MTMR12: variants seen among roughly 807,000 people sequenced by gnomAD.
The protein encoded by MTMR12 is myotubularin-related protein 12.
A neutral mutation model predicts 96.7 loss-of-function variants in MTMR12; 33 were observed. The ratio of observed to expected loss-of-function variants is 0.34; its 90% CI spans 0.26 to 0.46. MTMR12 has a LOEUF of 0.46. Among genes scored for constraint, MTMR12 ranks in the 20% least tolerant of loss-of-function variants. The pLI is 1.00. For synonymous variants in MTMR12, 298 were observed against 327.2 expected, an observed-to-expected ratio of 0.91 and a Z score of 0.96; for missense variants, 721 against 896.1, an observed-to-expected ratio of 0.80 and a Z score of 2.49.
At position 32,248,083 on chromosome 5, in the gene MTMR12, T is replaced by C. The variant is rs777222529; in HGVS notation, c.940A>G (p.Thr314Ala). ...IHRPPYEIVK[T>A]EDLSSNFLSL... ...AGGAAGTTGCTTGACAGGTCTTCCG[T>C]TTTAACAATTTCATAGGGTGGCCTG... Residue 314 changes from threonine to alanine, a missense_variant, in exon 10 of 16, where the codon ACG (threonine) becomes GCG (alanine). Transcript: ENST00000382142. 1.9e-6 allele frequency: 3 copies of C among 1,613,904 alleles called. No individual in the cohort carries two copies. The highest frequency in any genetic ancestry group is 2.7e-5 in the African/African-American group (2 of 74,916).
intron 1 of MTMR12, among the ~76,000 whole-genome samples, chr5:32,302,297 G>A (rs1217142576): frequency 6.6e-6 from 1 of 152,218 alleles, no homozygotes; most frequent in Non-Finnish European, 1.5e-5. Flanking sequence ...ATTAGTTTCA[G>A]AGACAATTTG....
At chr5:32,256,951 AAAAAAGATT>A (rs1190416081) in intron 7 of MTMR12, among the ~76,000 whole-genome samples, 9 of 152,232 alleles carry the variant, frequency 5.9e-5, no homozygotes, top group Non-Finnish European at 1.0e-4. Flanking sequence ...ATTACTTTTA[AAAAAAGATT>A]AAAAAGATGA....
chr5:32,242,223 T>C (rs1748504442), intron 11 of MTMR12, 96 bp from the exon 12 acceptor site: 9 of 802,834 alleles, frequency 1.1e-5, no homozygotes, highest in Non-Finnish European at 1.7e-5. Context: ...TGATCTTCAG[T>C]CTTCTCTCTT....
At chr5:32,304,430 T>C (rs1258586826) in intron 1 of MTMR12, among the ~76,000 whole-genome samples, 2 of 152,240 alleles carry the variant, frequency 1.3e-5, no homozygotes, top group East Asian at 1.9e-4. Context: ...GTACCATCAT[T>C]GGCACTTTTA....
chr5:32,268,538 A>G (rs903387518), intron 6 of MTMR12, among the ~76,000 whole-genome samples, 163 bp downstream of exon 6: 3 of 151,928 alleles, frequency 2.0e-5, no homozygotes, highest in Non-Finnish European at 4.4e-5. Context: ...CACAGGAAAG[A>G]AAATGTAGAT....
At chr5:32,254,308 T>C (rs1023401043) in intron 8 of MTMR12, among the ~76,000 whole-genome samples, 5 of 152,208 alleles carry the variant, frequency 3.3e-5, no homozygotes, top group African/African-American at 1.2e-4. Flanking sequence ...GTGGTGACTT[T>C]TGGTACAAAA....
chr5:32,242,171 C>G (rs779792981), intron 11 of MTMR12, 44 bp from the exon 12 acceptor site: 3 of 1,414,718 alleles, frequency 2.1e-6, no homozygotes, highest in South Asian at 2.3e-5. Context: ...AGTTCATGAG[C>G]TTGGTAACAC....
intron 1 of MTMR12, among the ~76,000 whole-genome samples, chr5:32,301,868 C>A (rs1285381568): frequency 2.0e-5 from 3 of 151,778 alleles, no homozygotes; most frequent in African/African-American, 7.3e-5. Flanking sequence ...ACAGAGACTA[C>A]TCCATCTCAA....
intron 10 of MTMR12, among the ~76,000 whole-genome samples, chr5:32,244,879 A>AT (rs1231532530): frequency 6.6e-6 from 1 of 152,244 alleles, no homozygotes. Context: ...GAAAATAAAA[A>AT]ATATAAACTT....
intron 8 of MTMR12, among the ~76,000 whole-genome samples, chr5:32,250,933 A>G (rs1748893189): frequency 6.6e-6 from 1 of 152,154 alleles, no homozygotes; most frequent in African/African-American, 2.4e-5. Flanking sequence ...CTCTCTGGGA[A>G]CTGTGAGGGC....
At chr5:32,292,849 C>A (rs1306702104) in intron 1 of MTMR12, among the ~76,000 whole-genome samples, 1 of 152,216 alleles carries the variant, frequency 6.6e-6, no homozygotes, top group Admixed American at 6.5e-5. Flanking sequence ...ATACCAGCTA[C>A]GACCACGTGA....
intron 1 of MTMR12, among the ~76,000 whole-genome samples, chr5:32,308,498 A>G (rs1751441252): frequency 6.6e-6 from 1 of 152,184 alleles, no homozygotes; most frequent in Non-Finnish European, 1.5e-5. Context: ...TCAGAAGCAC[A>G]TAAGCCATGC....
Position 32,243,904 on chromosome 5 carries a change from T to C in MTMR12, c.1022-305A>G, listed in dbSNP as rs182160555. The stretch of plus-strand genomic sequence containing the variant: ...TGTAGGTCGACAGAGAGTAACATGC[T>C]TTAGGCAGAAATAGTTGACATCCAG... On this transcript the variant is annotated intron_variant, in intron 10 of 15. Transcript: ENST00000382142. 1.7e-3 allele frequency among the ~76,000 whole-genome samples: 261 copies of C among 152,320 alleles called. 2 individuals carry two copies. Among genetic ancestry groups the C allele is most frequent in the Admixed American group, 0.016 (245 of 15,300 alleles).
intron 2 of MTMR12, among the ~76,000 whole-genome samples, chr5:32,276,262 C>A (rs1408817527): frequency 3.3e-5 from 5 of 152,252 alleles, no homozygotes; most frequent in African/African-American, 9.6e-5. Context: ...CACGTGCTCA[C>A]ATGCACAAGT....
intron 6 of MTMR12, among the ~76,000 whole-genome samples, chr5:32,265,082 A>G (rs892952283): frequency 2.0e-5 from 3 of 152,344 alleles, no homozygotes; most frequent in South Asian, 4.1e-4. Context: ...GCCATGTCAT[A>G]AACATTTAGG....
intron 10 of MTMR12, among the ~76,000 whole-genome samples, chr5:32,245,461 G>A (rs927020526): frequency 6.6e-6 from 1 of 152,190 alleles, no homozygotes; most frequent in Admixed American, 6.5e-5. Flanking sequence ...TAGGAGGAAT[G>A]AGCAGTAGAG....
intron 1 of MTMR12, among the ~76,000 whole-genome samples, chr5:32,300,052 T>C (rs1196159663): frequency 6.6e-6 from 1 of 152,168 alleles, no homozygotes; most frequent in Non-Finnish European, 1.5e-5. Context: ...CTCCGACCTC[T>C]GTGCAGAGAA....
intron 10 of MTMR12, among the ~76,000 whole-genome samples, chr5:32,246,504 G>A (rs1345442644): frequency 6.6e-6 from 1 of 152,144 alleles, no homozygotes; most frequent in Non-Finnish European, 1.5e-5. Flanking sequence ...AATTGTGTAG[G>A]CTGAACCAAC....
Position 32,273,978 on chromosome 5 carries a change from ACATC to A in MTMR12, c.283_285+1del, listed in dbSNP as rs779080443. 33 of 1,614,112 alleles carry A rather than the reference ACATC, an allele frequency of 2.0e-5. No homozygotes were observed. The African/African-American group carries it at 3.9e-4, about 19-fold the overall frequency. ...ACTCTGCCAAATGCAGCCCATACATACATCATTATCCAATGCAGATTCATCATCA... is the reference window on the plus strand; with the variant it reads ...ACTCTGCCAAATGCAGCCCATACATAATTATCCAATGCAGATTCATCATCA... On this transcript the variant is annotated splice_donor_variant and coding_sequence_variant, in exon 3 of 16. Coordinates refer to ENST00000382142, the MANE Select transcript of MTMR12 (RefSeq NM_001040446.3). LOFTEE classifies it high-confidence loss of function.
Sources: allele counts gnomAD v4.1 joint callset (sites outside exome capture counted in the v4.1 genomes callset), GRCh38; gene constraint gnomAD v4.1.1; transcripts MANE v1.5; gene names NCBI Gene and HGNC (gene_info 2026-07-23, HGNC 2026-07-21).